The following ZMYM2 variants were observed in gnomAD, a reference collection of about 807,000 sequenced individuals.
ZMYM2 encodes zinc finger MYM-type containing 2.
ZMYM2 carries 56 observed loss-of-function variants against 162.8 expected under a neutral mutation model. The ratio of observed to expected loss-of-function variants is 0.34; its 90% CI spans 0.28 to 0.43. ZMYM2 has a LOEUF of 0.43. Among genes scored for constraint, ZMYM2 ranks in the 20% least tolerant of loss-of-function variants. The probability of loss-of-function intolerance (pLI) is 1.00; values close to 1 mark genes in which losing one functional copy is unlikely to be tolerated. For synonymous variants in ZMYM2, 510 were observed against 541.6 expected (o/e 0.94, Z 0.81); for missense variants, 1,275 against 1,621.8 (o/e 0.79, Z 3.67).
the ZMYM2 span, among the ~76,000 whole-genome samples, chr13:19,877,270 T>G: frequency 6.6e-6 from 1 of 151,296 alleles, no homozygotes; most frequent in African/African-American, 2.4e-5. Context: ...AGCTGAGAAG[T>G]TGAAGGGGCA....
chr13:20,085,545 G>A (rs528502268), intron 24 of ZMYM2, among the ~76,000 whole-genome samples: 30 of 152,328 alleles, frequency 2.0e-4, no homozygotes, highest in African/African-American at 7.0e-4. Flanking sequence ...ATAATTGGCA[G>A]TGTTTCACTT....
At chr13:19,923,653 C>G in the ZMYM2 span, among the ~76,000 whole-genome samples, 1 of 140,798 alleles carries the variant, frequency 7.1e-6, no homozygotes, top group South Asian at 2.2e-4. Context: ...ACCACAATAC[C>G]CTGTAGGGAC....
At position 20,059,331 on chromosome 13, in the gene ZMYM2, A is replaced by T. The variant is rs1956058023; in HGVS notation, c.2624-116A>T. ...ACCTAACTTAAAAAAACTGGGAATT[A>T]AAAAAAAAAAGGTACTGAGGTAGTT... On this transcript the variant is annotated intron_variant, in intron 15 of 24. Transcript: ENST00000610343. 3.2e-5 allele frequency: 26 copies of T among 818,214 alleles called. No individual in the cohort carries two copies. In the Admixed American group the frequency reaches 8.8e-4, roughly 28 times the overall value. The allele number at this position is 818,214 out of a possible 1,614,324, so 50.7% of individuals were successfully genotyped here.
At chr13:20,038,637 C>A (rs185067782) in intron 12 of ZMYM2, among the ~76,000 whole-genome samples, 41 of 152,032 alleles carry the variant, frequency 2.7e-4, no homozygotes, top group African/African-American at 9.4e-4. Flanking sequence ...TATGTGTCTG[C>A]TTTTGTACCG....
intron 7 of ZMYM2, chr13:20,025,423 A>G (rs1471578202): frequency 5.7e-6 from 1 of 175,914 alleles, no homozygotes; most frequent in African/African-American, 2.4e-5. Context: ...TTTGTGGAAG[A>G]TGGGGTCTTG....
chr13:19,958,512 C>T (rs952705019), upstream of ZMYM2, among the ~76,000 whole-genome samples: 43 of 152,036 alleles, frequency 2.8e-4, no homozygotes, highest in Middle Eastern at 3.5e-3. Context: ...AGTCGAGGGC[C>T]GGCGGAGGCG....
At chr13:19,940,588 C>A in the ZMYM2 span, among the ~76,000 whole-genome samples, 2 of 152,152 alleles carry the variant, frequency 1.3e-5, no homozygotes, top group Admixed American at 1.3e-4. Context: ...TAGTCTCAAA[C>A]AACTCTCTAA....
intron 2 of ZMYM2, among the ~76,000 whole-genome samples, chr13:19,988,644 G>C (rs1368679919): frequency 6.6e-6 from 1 of 152,138 alleles, no homozygotes; most frequent in African/African-American, 2.4e-5. Flanking sequence ...TTAGCTGGGC[G>C]TGGTGGCGCA....
At chr13:19,973,884 T>C (rs1291459184) in intron 2 of ZMYM2, among the ~76,000 whole-genome samples, 1 of 152,098 alleles carries the variant, frequency 6.6e-6, no homozygotes, top group Non-Finnish European at 1.5e-5. Flanking sequence ...TCATCAGTTA[T>C]CATTAGTGTT....
At chr13:19,920,086 A>G in the ZMYM2 span, among the ~76,000 whole-genome samples, 5 of 152,170 alleles carry the variant, frequency 3.3e-5, no homozygotes, top group African/African-American at 9.7e-5. Context: ...TGGGATTACC[A>G]TTGTGAGCCA....
At chr13:19,976,220 T>TGGGA (rs1181897137) in intron 2 of ZMYM2, among the ~76,000 whole-genome samples, 8 of 151,466 alleles carry the variant, frequency 5.3e-5, no homozygotes, top group African/African-American at 1.7e-4. Context: ...CCCAGCTACT[T>TGGGA]GGGAGGCTGA....
At chr13:19,917,819 G>GAA in the ZMYM2 span, among the ~76,000 whole-genome samples, 45 of 152,178 alleles carry the variant, frequency 3.0e-4, no homozygotes, top group African/African-American at 1.1e-3. Context: ...AGCACTTTTA[G>GAA]AGGCCGAGGC....
chr13:19,978,277 A>G (rs1341253870), intron 2 of ZMYM2, among the ~76,000 whole-genome samples: 1 of 152,198 alleles, frequency 6.6e-6, no homozygotes, highest in Non-Finnish European at 1.5e-5. Flanking sequence ...TTATAATAAC[A>G]TATTGCAAAT....
rs1953482937 is a variant in ZMYM2 at position 20,034,340 on chromosome 13, A to G, written c.2055A>G (p.Gln685=). 2 of 1,611,460 alleles carry G rather than the reference A, an allele frequency of 1.2e-6. No homozygotes were observed. Among genetic ancestry groups the G allele is most frequent in the Non-Finnish European group, 1.7e-6 (2 of 1,179,192 alleles). The change falls in exon 11 of 25, where the codon CAA becomes CAG. Residue 685 remains glutamine (Q), a synonymous_variant. Transcript: ENST00000610343. ...TAGTTACATATTGCGAATACTGTCA[A>G]GAGGAGAAGACTCTTCATGAAACAG... is the stretch of plus-strand genomic sequence containing the variant. ...HCIVTYCEYC[Q]EEKTLHETVN...
chr13:20,042,289 C>G (rs1025937570), intron 12 of ZMYM2, among the ~76,000 whole-genome samples: 4 of 152,058 alleles, frequency 2.6e-5, no homozygotes, highest in African/African-American at 9.7e-5. Context: ...TCTTGTCTGT[C>G]TTATTTCACA....
chr13:19,995,679 C>T (rs1242510422), intron 3 of ZMYM2, among the ~76,000 whole-genome samples: 1 of 152,106 alleles, frequency 6.6e-6, no homozygotes, highest in Non-Finnish European at 1.5e-5. Context: ...GTACCCAGCC[C>T]CCCACCTTTT....
chr13:19,913,602 G>A, the ZMYM2 span, among the ~76,000 whole-genome samples: 1 of 152,188 alleles, frequency 6.6e-6, no homozygotes, highest in Admixed American at 6.6e-5. Flanking sequence ...GTGGATGTCT[G>A]TAATCCCAGC....
In ZMYM2 at chr13:20,088,230, T is replaced by C; in HGVS notation, c.*2216T>C. 4.8e-6 allele frequency: 1 copy of C among 207,846 alleles called. No individual in the cohort carries two copies. The highest frequency in any genetic ancestry group is 9.8e-6 in the Non-Finnish European group (1 of 101,828). The allele number at this position is 207,846 out of a possible 1,614,324, so 12.9% of individuals were successfully genotyped here. A position where few individuals can be genotyped will look rare whatever the true frequency, so the allele number is the denominator to read the frequency against. ...TGATTCTCAGGGGGAAAAGAAAAAC[T>C]TATTTTATGAGAATTGTTTGTTCTG... On this transcript the variant is annotated 3_prime_UTR_variant, in exon 25 of 25. Coordinates refer to ENST00000610343, the MANE Select transcript of ZMYM2 (RefSeq NM_197968.4).
At chr13:20,027,162 T>C in intron 8 of ZMYM2, 41 bp from the exon 9 acceptor site, 3 of 1,430,212 alleles carry the variant, frequency 2.1e-6, no homozygotes, top group Non-Finnish European at 2.8e-6. Context: ...ACTTTTTTAT[T>C]ACTTTATAAA....
Sources: allele counts gnomAD v4.1 joint callset (sites outside exome capture counted in the v4.1 genomes callset), GRCh38; gene constraint gnomAD v4.1.1; transcripts MANE v1.5; gene names NCBI Gene and HGNC (gene_info 2026-07-23, HGNC 2026-07-21).